GPR176: variants seen among roughly 807,000 people sequenced by gnomAD.
GPR176 encodes G-protein coupled receptor 176.
GPR176 carries 26 observed loss-of-function variants against 35.4 expected under a neutral mutation model. The observed-to-expected ratio is 0.74, with a 90% CI of 0.54 to 1.02. GPR176 has a LOEUF of 1.02. Ranked by LOEUF, GPR176 falls within the 50% of genes least tolerant of loss-of-function variation. The probability of loss-of-function intolerance (pLI) is 0.00; values close to 1 mark genes in which losing one functional copy is unlikely to be tolerated. For synonymous variants in GPR176, 278 were observed against 271.3 expected, an observed-to-expected ratio of 1.02 and a Z score of -0.24; for missense variants, 597 against 665.3, an observed-to-expected ratio of 0.90 and a Z score of 1.13.
rs781487319 is a variant in GPR176 at position 39,807,040 on chromosome 15, T to C, written c.391A>G (p.Thr131Ala). The change falls in exon 2 of 3, where the codon ACC becomes GCC. Residue 131 changes from threonine to alanine, a missense_variant. Thr to Ala is a moderately conservative substitution (Grantham distance 58). This residue lies in a region of GPR176 where 220 missense variants were observed against 297.6 expected (regional missense o/e 0.74). Coordinates refer to ENST00000561100, the MANE Select transcript of GPR176 (RefSeq NM_007223.3). Reference sequence around the variant, plus strand: ...GCAATAGCAGGGAAGCTGAGGATGGTCACAGAGCAGAATACTTTGTGCAAA... The same window carrying C: ...GCAATAGCAGGGAAGCTGAGGATGGCCACAGAGCAGAATACTTTGTGCAAA... ...KFLHKVFCSV[T>A]ILSFPAIALD... 1.9e-6 allele frequency: 3 copies of C among 1,613,464 alleles called. No homozygotes were observed. Among genetic ancestry groups the C allele is most frequent in the East Asian group, 4.5e-5 (2 of 44,868 alleles).
chr15:39,909,228 T>C (rs1318127528), intron 1 of GPR176, among the ~76,000 whole-genome samples: 7 of 152,172 alleles, frequency 4.6e-5, no homozygotes, highest in African/African-American at 1.7e-4. Flanking sequence ...AGATTCTCTC[T>C]GTAAGGTCAG....
At chr15:39,819,272 C>T (rs1900112268) in intron 1 of GPR176, among the ~76,000 whole-genome samples, 1 of 152,214 alleles carries the variant, frequency 6.6e-6, no homozygotes, top group Non-Finnish European at 1.5e-5. Context: ...TATTAAATTA[C>T]TCATGCAAAA....
intron 1 of GPR176, among the ~76,000 whole-genome samples, chr15:39,869,084 T>C (rs1256155168): frequency 6.6e-6 from 1 of 150,392 alleles, no homozygotes; most frequent in Admixed American, 6.7e-5. Context: ...CCAAAAGCAC[T>C]GTGTATACAC....
chr15:39,845,743 A>G (rs2030376949), intron 1 of GPR176, among the ~76,000 whole-genome samples: 1 of 152,158 alleles, frequency 6.6e-6, no homozygotes, highest in Non-Finnish European at 1.5e-5. Flanking sequence ...AGTATATCAG[A>G]AAGTGCAAGC....
At chr15:39,886,970 T>C (rs1595506972) in intron 1 of GPR176, among the ~76,000 whole-genome samples, 1 of 152,194 alleles carries the variant, frequency 6.6e-6, no homozygotes, top group South Asian at 2.1e-4. Context: ...GGGCCATACG[T>C]TGGGACCCCA....
intron 1 of GPR176, among the ~76,000 whole-genome samples, chr15:39,824,703 C>T (rs1225657312): frequency 1.3e-5 from 2 of 152,112 alleles, no homozygotes; most frequent in Non-Finnish European, 2.9e-5. Context: ...AGCAAATGAA[C>T]ATTGGGAAGC....
chr15:39,910,819 C>A (rs1426760329), intron 1 of GPR176, among the ~76,000 whole-genome samples: 1 of 152,098 alleles, frequency 6.6e-6, no homozygotes, highest in African/African-American at 2.4e-5. Flanking sequence ...AGACGGATCA[C>A]CTAAGGTCAG....
intron 1 of GPR176, among the ~76,000 whole-genome samples, chr15:39,895,528 C>A (rs2140865448): frequency 6.6e-6 from 1 of 152,326 alleles, no homozygotes; most frequent in South Asian, 2.1e-4. Flanking sequence ...ACCACACTGT[C>A]TTTCCCCTCT....
At chr15:39,895,290 A>AGAGGGAGAGGGGGAGGGG (rs1566966006) in intron 1 of GPR176, among the ~76,000 whole-genome samples, 1 of 1,380 alleles carries the variant, frequency 7.2e-4, no homozygotes, top group African/African-American at 3.1e-3. Context: ...GGGGAGAGGA[A>AGAGGGAGAGGGGGAGGGG]GAGGGGGAGG....
intron 1 of GPR176, among the ~76,000 whole-genome samples, chr15:39,874,628 C>T (rs1354796050): frequency 6.6e-6 from 1 of 152,184 alleles, no homozygotes; most frequent in Non-Finnish European, 1.5e-5. Flanking sequence ...GTTGCTTCAC[C>T]TTTTATCATC....
intron 1 of GPR176, among the ~76,000 whole-genome samples, chr15:39,889,657 C>T (rs1464858636): frequency 6.6e-6 from 1 of 151,884 alleles, no homozygotes; most frequent in Non-Finnish European, 1.5e-5. Context: ...CTCTAACTGT[C>T]CCAAATATGA....
At position 39,829,253 on chromosome 15, in the gene GPR176, C is replaced by T. The variant is rs2140825230; in HGVS notation, c.173-21995G>A. The stretch of plus-strand genomic sequence containing the variant: ...ACCAAAGATGTGTCGCTGGAAAAGC[C>T]ACTTGGACTCGGGCATCAGAATGGA... On this transcript the variant is annotated intron_variant, in intron 1 of 2. Transcript: ENST00000561100. 2.7e-6 allele frequency: 4 copies of T among 1,461,776 alleles called. No individual in the cohort carries two copies. The East Asian group carries it at 1.0e-4, about 37-fold the overall frequency. 90.6% of individuals were successfully genotyped at this position (1,461,776 alleles called of 1,614,324 possible).
chr15:39,888,551 T>C (rs275739), intron 1 of GPR176, among the ~76,000 whole-genome samples: 25,869 of 152,164 alleles, frequency 0.17, 3,561 homozygotes, highest in African/African-American at 0.36. Context: ...GCCTTGGACT[T>C]CCAAAGTGCT....
chr15:39,840,131 G>A (rs75128486), intron 1 of GPR176, among the ~76,000 whole-genome samples: 1 of 152,034 alleles, frequency 6.6e-6, no homozygotes, highest in Non-Finnish European at 1.5e-5. Context: ...CCCATGACTG[G>A]GTATATACCC....
chr15:39,806,997 T>TTTTG lies in GPR176; in HGVS notation c.425+8_425+9insCAAA. 6.4e-7 allele frequency: 1 copy of TTTTG among 1,573,660 alleles called. No individual in the cohort carries two copies. Among genetic ancestry groups the TTTTG allele is most frequent in the Non-Finnish European group, 8.6e-7 (1 of 1,165,228 alleles). ...AAAAAAAAGTTAGCTCCTGGCTACC[T>TTTTG]GATCTTACCTGTCCAAAGCAATAGC... On this transcript the variant is annotated intron_variant, in intron 2 of 2. Coordinates refer to ENST00000561100, the MANE Select transcript of GPR176 (RefSeq NM_007223.3).
intron 1 of GPR176, among the ~76,000 whole-genome samples, chr15:39,903,401 G>T (rs944759130): frequency 2.0e-5 from 3 of 152,140 alleles, no homozygotes; most frequent in African/African-American, 7.2e-5. Context: ...TCATTCCTGG[G>T]TGTGTGAGTT....
intron 1 of GPR176, among the ~76,000 whole-genome samples, chr15:39,886,516 C>A (rs923493251): frequency 6.6e-6 from 1 of 152,098 alleles, no homozygotes; most frequent in African/African-American, 2.4e-5. Flanking sequence ...CAACGGTGGG[C>A]CAAATGGTCT....
intron 1 of GPR176, among the ~76,000 whole-genome samples, chr15:39,813,942 AAT>A (rs1397934525): frequency 6.6e-6 from 1 of 152,158 alleles, no homozygotes; most frequent in Non-Finnish European, 1.5e-5. Flanking sequence ...GCACATTTTT[AAT>A]ATATATTACC....
chr15:39,853,327 T>C (rs573608279), intron 1 of GPR176, among the ~76,000 whole-genome samples: 4 of 152,244 alleles, frequency 2.6e-5, no homozygotes, highest in Admixed American at 2.0e-4. Context: ...AAGACAAATA[T>C]GATTCCACTT....
Sources: allele counts gnomAD v4.1 joint callset (sites outside exome capture counted in the v4.1 genomes callset), GRCh38; gene constraint gnomAD v4.1.1; regional missense constraint gnomAD v4.1.1; transcripts MANE v1.5; gene names NCBI Gene and HGNC (gene_info 2026-07-23, HGNC 2026-07-21).